The following MKLN1 variants were observed in gnomAD, a reference collection of about 807,000 sequenced individuals.
The protein encoded by MKLN1 is muskelin 1, also known as muskelin.
A neutral mutation model predicts 99.0 loss-of-function variants in MKLN1; 18 were observed. That is an observed-to-expected ratio of 0.18 (90% CI 0.13 to 0.27). The LOEUF is 0.27. MKLN1 is among the 10% of genes least tolerant of loss of function. The pLI, the probability that MKLN1 is intolerant of heterozygous loss-of-function variation, is 1.00. For missense variants in MKLN1, 621 were observed against 875.9 expected (o/e 0.71, Z 3.67); for synonymous variants, 288 against 293.2 (o/e 0.98, Z 0.18).
At chr7:131,450,137 C>T (rs576424003) in intron 12 of MKLN1, among the ~76,000 whole-genome samples, 51 of 152,294 alleles carry the variant, frequency 3.3e-4, no homozygotes, top group African/African-American at 1.2e-3. Flanking sequence ...TATTTGGCCT[C>T]TGTCTCTAGA....
chr7:131,453,992 A>C (rs1381235319), intron 12 of MKLN1, among the ~76,000 whole-genome samples: 5 of 151,652 alleles, frequency 3.3e-5, no homozygotes, highest in African/African-American at 7.3e-5. Flanking sequence ...AAAATCACTC[A>C]GTGAATGTTG....
intron 8 of MKLN1, among the ~76,000 whole-genome samples, chr7:131,418,337 C>G (rs1282147129): frequency 2.7e-5 from 4 of 147,820 alleles, no homozygotes; most frequent in South Asian, 2.1e-4. Context: ...CCATCGCACT[C>G]CAGCCTGGGA....
intron 1 of MKLN1, among the ~76,000 whole-genome samples, chr7:131,365,281 C>T (rs1383019033): frequency 6.6e-6 from 1 of 152,116 alleles, no homozygotes; most frequent in Non-Finnish European, 1.5e-5. Flanking sequence ...TGTTCATATC[C>T]TTTGCCTACT....
intron 2 of MKLN1, among the ~76,000 whole-genome samples, chr7:131,201,428 A>G (rs1406518534): frequency 2.0e-5 from 3 of 152,196 alleles, no homozygotes; most frequent in Non-Finnish European, 4.4e-5. Context: ...CTATAATATA[A>G]AACTACATGA....
At chr7:131,390,469 T>C (rs1420778142) in intron 4 of MKLN1, among the ~76,000 whole-genome samples, 2 of 152,114 alleles carry the variant, frequency 1.3e-5, no homozygotes, top group African/African-American at 4.8e-5. Flanking sequence ...TCCAGCCCTG[T>C]CAGCCTTTTT....
chr7:131,405,413 A>G (rs929102544), intron 6 of MKLN1, among the ~76,000 whole-genome samples: 4 of 151,920 alleles, frequency 2.6e-5, no homozygotes, highest in Admixed American at 6.6e-5. Context: ...GAGAGAACCA[A>G]TTTTTGGTTT....
chr7:131,309,933 T>A (rs2087158), intron 3 of MKLN1: 1 of 151,690 alleles, frequency 6.6e-6, no homozygotes, highest in African/African-American at 2.4e-5. Context: ...CACTGTGTTA[T>A]CCAGGATGGT....
intron 2 of MKLN1, among the ~76,000 whole-genome samples, chr7:131,149,410 C>T (rs113477200): frequency 1.4e-3 from 75 of 53,592 alleles, no homozygotes; most frequent in African/African-American, 5.7e-3. Flanking sequence ...TGATGCCCAT[C>T]GAGATGGTTC....
intron 2 of MKLN1, among the ~76,000 whole-genome samples, chr7:131,197,020 T>A (rs896774367): frequency 6.6e-6 from 1 of 152,098 alleles, no homozygotes; most frequent in African/African-American, 2.4e-5. Flanking sequence ...CCGAGTCTCC[T>A]AGGAATACTT....
At chr7:131,407,524 G>GGAA (rs1794742766) in intron 6 of MKLN1, among the ~76,000 whole-genome samples, 1 of 151,720 alleles carries the variant, frequency 6.6e-6, no homozygotes, top group South Asian at 2.1e-4. Context: ...ATTTTTAGAA[G>GGAA]CTTCTTGTGA....
chr7:131,243,302 G>C (rs779062196), intron 3 of MKLN1, among the ~76,000 whole-genome samples: 22 of 152,210 alleles, frequency 1.4e-4, no homozygotes, highest in Middle Eastern at 6.8e-3. Context: ...CTCTTCAGGG[G>C]GCCTAGATAC....
rs775037647 is a variant in MKLN1 at position 131,470,884 on chromosome 7, A to G, written c.1971A>G (p.Lys657=). The change falls in exon 16 of 18, where the codon AAA becomes AAG. Residue 657 remains lysine (K), a synonymous_variant. Transcript: ENST00000352689. Reference sequence around the variant, plus strand: ...AAGTGGATCCCCTTAGTGCTCTGAAATATTTACAAAATGATCTTTATATAA... The same window carrying G: ...AAGTGGATCCCCTTAGTGCTCTGAAGTATTTACAAAATGATCTTTATATAA... The part of the protein sequence containing the change: ...KAQVDPLSAL[K]YLQNDLYITV... 6.2e-7 allele frequency: 1 copy of G among 1,613,372 alleles called. No individual in the cohort carries two copies. The highest frequency in any genetic ancestry group is 8.5e-7 in the Non-Finnish European group (1 of 1,179,440).
intron 1 of MKLN1, among the ~76,000 whole-genome samples, chr7:131,370,991 C>T (rs527634906): frequency 1.3e-5 from 2 of 152,222 alleles, no homozygotes; most frequent in East Asian, 3.9e-4. Context: ...TAACCTCACT[C>T]CGTTTCTGGT....
chr7:131,444,274 C>T (rs941557985), intron 11 of MKLN1, among the ~76,000 whole-genome samples: 2 of 151,684 alleles, frequency 1.3e-5, no homozygotes, highest in Non-Finnish European at 2.9e-5. Flanking sequence ...TGCACCACCA[C>T]GCCCGGCTAA....
chr7:131,191,100 C>T (rs757836470), intron 2 of MKLN1, among the ~76,000 whole-genome samples: 14 of 152,174 alleles, frequency 9.2e-5, no homozygotes, highest in Non-Finnish European at 1.3e-4. Flanking sequence ...AAGGTCAGCT[C>T]GCCTTGGGTA....
chr7:131,292,589 G>A (rs1272876136), intron 3 of MKLN1, among the ~76,000 whole-genome samples: 1 of 152,218 alleles, frequency 6.6e-6, no homozygotes, highest in African/African-American at 2.4e-5. Flanking sequence ...TGAAGATCAA[G>A]GCTGGATTGA....
chr7:131,341,936 C>G (rs1174552114), intron 1 of MKLN1, among the ~76,000 whole-genome samples: 1 of 152,214 alleles, frequency 6.6e-6, no homozygotes, highest in East Asian at 1.9e-4. Flanking sequence ...GGAACCAGTA[C>G]TGGTCTGTGG....
chr7:131,314,547 C>T (rs892298917), intron 3 of MKLN1, among the ~76,000 whole-genome samples: 4 of 152,082 alleles, frequency 2.6e-5, no homozygotes, highest in South Asian at 2.1e-4. Flanking sequence ...CTCAGCCTCC[C>T]GAGTAGCTGG....
chr7:131,233,771 G>A (rs2116479740), intron 3 of MKLN1, among the ~76,000 whole-genome samples: 2 of 151,996 alleles, frequency 1.3e-5, no homozygotes, highest in South Asian at 4.2e-4. Flanking sequence ...ATGACCTACT[G>A]GACTTTAAGA....
Sources: allele counts gnomAD v4.1 joint callset (sites outside exome capture counted in the v4.1 genomes callset), GRCh38; gene constraint gnomAD v4.1.1; transcripts MANE v1.5; gene names NCBI Gene and HGNC (gene_info 2026-07-23, HGNC 2026-07-21).